Variants in ATP2B4 observed in about 807,000 individuals in gnomAD.
ATP2B4 encodes the protein plasma membrane calcium-transporting ATPase 4.
In ATP2B4, 39 loss-of-function variants were observed where a neutral mutation model predicts 110.3. The ratio of observed to expected loss-of-function variants is 0.35; its 90% CI spans 0.27 to 0.46. The LOEUF (loss-of-function observed/expected upper bound fraction) is 0.46, where lower values mean the gene tolerates loss of function less well. ATP2B4 is among the 20% of genes least tolerant of loss of function. The pLI, the probability that ATP2B4 is intolerant of heterozygous loss-of-function variation, is 1.00. For synonymous variants in ATP2B4, 538 were observed against 571.7 expected (o/e 0.94, Z 0.84); for missense variants, 1,135 against 1,530.9 (o/e 0.74, Z 4.32).
chr1:203,693,539 A>T (rs189491503), intron 2 of ATP2B4, among the ~76,000 whole-genome samples: 1 of 152,312 alleles, frequency 6.6e-6, no homozygotes, highest in East Asian at 1.9e-4. Flanking sequence ...ACAAGCCCTG[A>T]CTTTTTATGT....
chr1:203,683,077 A>T lies in ATP2B4; in HGVS notation c.-129A>T. 3 of 1,012,968 alleles carry T rather than the reference A, an allele frequency of 3.0e-6. No homozygotes were observed. Among genetic ancestry groups the T allele is most frequent in the Non-Finnish European group, 4.4e-6 (3 of 687,644 alleles). The allele number at this position is 1,012,968 out of a possible 1,614,324, so 62.7% of individuals were successfully genotyped here. On this transcript the variant is annotated 5_prime_UTR_variant, in exon 2 of 21. Transcript: ENST00000357681. ...TTATTGCACAAGATATATTCAATCT[A>T]TTCCCTCACTGGGCCCCCAGAGAAG...
At position 203,703,764 on chromosome 1, in the gene ATP2B4, A is replaced by G; in HGVS notation, c.1050A>G (p.Ser350=). Residue 350 remains serine (S), a synonymous_variant, in exon 8 of 21, where the codon TCA becomes TCG. Coordinates refer to ENST00000357681, the MANE Select transcript of ATP2B4 (RefSeq NM_001684.5). ...KAVKVPKKEK[S]VLQGKLTRLA... is the part of the protein sequence containing the mutation. Reference sequence around the variant, plus strand: ...TCAAGGTGCCTAAAAAGGAGAAGTCAGTGCTGCAGGGCAAGCTGACTCGCC... The same window carrying G: ...TCAAGGTGCCTAAAAAGGAGAAGTCGGTGCTGCAGGGCAAGCTGACTCGCC... The G allele has an allele frequency of 6.2e-7, 1 of 1,614,194 alleles. No individual in the cohort carries two copies. Among genetic ancestry groups the G allele is most frequent in the Non-Finnish European group, 8.5e-7 (1 of 1,180,002 alleles).
intron 12 of ATP2B4, 22 bp downstream of exon 12, chr1:203,711,130 C>A (rs1441308577): frequency 1.2e-6 from 2 of 1,608,326 alleles, no homozygotes; most frequent in Non-Finnish European, 1.7e-6. Context: ...GGAAGCCACC[C>A]AGGAGTCTCA....
rs1296015093 is a variant in ATP2B4 at position 203,699,608 on chromosome 1, G to A, written c.540G>A (p.Leu180=). 3 of 1,614,090 alleles carry A rather than the reference G, an allele frequency of 1.9e-6. No homozygotes were observed. Among genetic ancestry groups the A allele is most frequent in the Non-Finnish European group, 2.5e-6 (3 of 1,180,044 alleles). ...DWSKEKQFRG[L]QCRIEQEQKF... ...GCAAAGAGAAGCAATTCCGGGGGCT[G>A]CAGTGCCGCATTGAACAGGAGCAAA... The change falls in exon 4 of 21, where the codon CTG becomes CTA. Residue 180 remains leucine, a synonymous_variant. Transcript: ENST00000357681.
intron 3 of ATP2B4, among the ~76,000 whole-genome samples, chr1:203,698,737 A>C (rs896045979): frequency 6.6e-6 from 1 of 152,012 alleles, no homozygotes; most frequent in Non-Finnish European, 1.5e-5. Flanking sequence ...CCTGGGTTCA[A>C]GCAATTCTCG....
intron 1 of ATP2B4, among the ~76,000 whole-genome samples, chr1:203,643,908 C>T (rs1663710282): frequency 6.6e-6 from 1 of 152,182 alleles, no homozygotes; most frequent in East Asian, 1.9e-4. Context: ...TTCCTATATA[C>T]TCGGTGTTTA....
At chr1:203,663,124 GTTTGCTTTT>G (rs1664398431) in intron 1 of ATP2B4, among the ~76,000 whole-genome samples, 3 of 152,108 alleles carry the variant, frequency 2.0e-5, no homozygotes, top group Non-Finnish European at 4.4e-5. Context: ...TTGGGTTTGT[GTTTGCTTTT>G]GTTTTTTGCA....
intron 8 of ATP2B4, 106 bp downstream of exon 8, chr1:203,703,919 A>G: frequency 7.1e-7 from 1 of 1,402,626 alleles, no homozygotes; most frequent in Non-Finnish European, 9.5e-7. Flanking sequence ...AAGAAGCTGA[A>G]ACTTCAGGGT....
intron 1 of ATP2B4, among the ~76,000 whole-genome samples, chr1:203,632,897 G>A (rs939449116): frequency 1.3e-5 from 2 of 152,012 alleles, no homozygotes; most frequent in East Asian, 3.9e-4. Flanking sequence ...TGGGGGAAGG[G>A]GAAAAAGAAT....
rs944284361 is a variant in ATP2B4 at position 203,629,913 on chromosome 1, G to A, written c.-465+2694G>A. Among the ~76,000 whole-genome samples the A allele has an allele frequency of 7.2e-5, 11 of 152,212 alleles. No individual in the cohort carries two copies. The highest frequency in any genetic ancestry group is 1.3e-4 in the Non-Finnish European group (9 of 68,030). ...AGGCATGTTGAGAGAAGCACGGGCA[G>A]TTTGGGGGCCTTGGAATCAGCCTGA... On this transcript the variant is annotated intron_variant, in intron 1 of 20. Coordinates refer to ENST00000357681, the MANE Select transcript of ATP2B4 (RefSeq NM_001684.5). This position sits in a 1 kb window ranked among gnomAD's most constrained non-coding sequence, Gnocchi z 4.6.
intron 2 of ATP2B4, among the ~76,000 whole-genome samples, chr1:203,692,788 C>T (rs1191041098): frequency 2.0e-5 from 3 of 152,204 alleles, no homozygotes; most frequent in Non-Finnish European, 4.4e-5. Flanking sequence ...TCCTCCCAGG[C>T]CCTAGGTCCT....
chr1:203,710,279 A>C (rs1665967614), intron 11 of ATP2B4, among the ~76,000 whole-genome samples: 1 of 152,090 alleles, frequency 6.6e-6, no homozygotes. Context: ...CTGAGGCAGG[A>C]GAATCGCTTG....
chr1:203,655,335 A>T (rs1226550566), intron 1 of ATP2B4, among the ~76,000 whole-genome samples: 3 of 111,994 alleles, frequency 2.7e-5, no homozygotes, highest in Non-Finnish European at 5.6e-5. Context: ...GTCAAATATC[A>T]GTCCTTCATG....
At chr1:203,679,836 T>C (rs892963675) in intron 1 of ATP2B4, among the ~76,000 whole-genome samples, 34 of 149,560 alleles carry the variant, frequency 2.3e-4, no homozygotes, top group African/African-American at 8.1e-4. Context: ...GAGCTGAGAT[T>C]GCGCCACTGC....
In ATP2B4 at chr1:203,656,268, T is replaced by C. The variant is rs147712693; in HGVS notation, c.-464-26474T>C. Reference sequence around the variant, plus strand: ...CCTTTTAAAACTTAGCTGGAGCTGCTTAAACTAATTCTTAATACCATTCTG... The same window carrying C: ...CCTTTTAAAACTTAGCTGGAGCTGCCTAAACTAATTCTTAATACCATTCTG... On this transcript the variant is annotated intron_variant, in intron 1 of 20. Transcript: ENST00000357681. Among the ~76,000 whole-genome samples the C allele has an allele frequency of 3.0e-3, 461 of 152,298 alleles. 4 individuals carry two copies. The East Asian group carries it at 0.037, about 12-fold the overall frequency.
At chr1:203,637,365 G>T (rs142122079) in intron 1 of ATP2B4, among the ~76,000 whole-genome samples, 2,518 of 151,416 alleles carry the variant, frequency 0.017, 78 homozygotes, top group African/African-American at 0.058. Flanking sequence ...CCCGGGGGGG[G>T]GCGGAGCCTG....
intron 1 of ATP2B4, among the ~76,000 whole-genome samples, chr1:203,670,367 C>T (rs1209130544): frequency 5.3e-5 from 8 of 152,052 alleles, no homozygotes; most frequent in Non-Finnish European, 1.2e-4. Flanking sequence ...TTGGTAGAGA[C>T]GGGGTTTCGC....
chr1:203,643,491 T>C (rs995736322), intron 1 of ATP2B4, among the ~76,000 whole-genome samples: 4 of 152,200 alleles, frequency 2.6e-5, no homozygotes, highest in African/African-American at 4.8e-5. Context: ...CCCCTGCTTT[T>C]CCCAGCACAC....
intron 17 of ATP2B4, among the ~76,000 whole-genome samples, chr1:203,721,988 T>C (rs894820252): frequency 6.6e-6 from 1 of 152,018 alleles, no homozygotes; most frequent in East Asian, 1.9e-4. Flanking sequence ...ATTCAAAAAA[T>C]TAACCTCAGG....
Sources: allele counts gnomAD v4.1 joint callset (sites outside exome capture counted in the v4.1 genomes callset), GRCh38; gene constraint gnomAD v4.1.1; non-coding constraint Gnocchi (gnomAD v3.1); transcripts MANE v1.5; gene names NCBI Gene and HGNC (gene_info 2026-07-23, HGNC 2026-07-21).